GPHN: variants seen among roughly 807,000 people sequenced by gnomAD.
The protein encoded by GPHN is gephyrin.
GPHN carries 17 observed loss-of-function variants against 95.5 expected under a neutral mutation model. That is an observed-to-expected ratio of 0.18 (90% confidence interval 0.12 to 0.27). The LOEUF is 0.27. Among genes scored for constraint, GPHN ranks in the 10% least tolerant of loss-of-function variants. The pLI is 1.00. For synonymous variants in GPHN, 320 were observed against 322.5 expected (o/e 0.99, Z 0.08); for missense variants, 660 against 978.1 (o/e 0.67, Z 4.34).
the GPHN span, among the ~76,000 whole-genome samples, chr14:67,268,670 C>T: frequency 2.6e-5 from 4 of 152,306 alleles, no homozygotes; most frequent in East Asian, 7.7e-4. Flanking sequence ...CATGCTAACG[C>T]ATTATAATTA....
intron 8 of GPHN, among the ~76,000 whole-genome samples, chr14:66,955,705 TC>T (rs1340130316): frequency 2.7e-5 from 4 of 148,160 alleles, no homozygotes; most frequent in African/African-American, 9.7e-5. Flanking sequence ...CCCTCCCCCC[TC>T]CTCCCACCCC....
chr14:67,471,149 C>A, the GPHN span: 1 of 152,204 alleles, frequency 6.6e-6, no homozygotes, highest in African/African-American at 2.4e-5. Context: ...CACAGGCATA[C>A]CCCCAGGACC....
the GPHN span, chr14:67,359,827 T>TA: frequency 9.5e-7 from 1 of 1,050,870 alleles, no homozygotes; most frequent in South Asian, 1.4e-5. Flanking sequence ...CTCTTGTTGC[T>TA]AAGAGGCAGC....
chr14:67,659,486 T>C, the GPHN span, among the ~76,000 whole-genome samples: 1,756 of 152,056 alleles, frequency 0.012, 26 homozygotes, highest in African/African-American at 0.04. Flanking sequence ...TTTTTTATTA[T>C]AAGACTGTAT....
intron 2 of GPHN, among the ~76,000 whole-genome samples, chr14:66,771,470 C>G (rs1595853076): frequency 6.6e-6 from 1 of 152,206 alleles, no homozygotes; most frequent in Non-Finnish European, 1.5e-5. Flanking sequence ...AGTTACCGCA[C>G]TGGCACAAGG....
At chr14:66,879,492 T>A (rs1413657693) in intron 4 of GPHN, among the ~76,000 whole-genome samples, 1 of 152,098 alleles carries the variant, frequency 6.6e-6, no homozygotes, top group Non-Finnish European at 1.5e-5. Flanking sequence ...GAGATCCTTT[T>A]AATTCTATTA....
At chr14:67,042,816 T>C (rs548865074) in intron 10 of GPHN, among the ~76,000 whole-genome samples, 2 of 152,354 alleles carry the variant, frequency 1.3e-5, no homozygotes, top group South Asian at 4.1e-4. Flanking sequence ...TAAATTACTT[T>C]GGGCAGTATG....
chr14:67,578,767 C>G, the GPHN span: 11 of 685,164 alleles, frequency 1.6e-5, no homozygotes, highest in Non-Finnish European at 2.9e-5. The surrounding 1 kb of genome is among the most constrained non-coding windows in gnomAD (Gnocchi z 5.0). Flanking sequence ...GAGACTTCAC[C>G]CATTGCCGTG....
At chr14:67,690,918 G>A in the GPHN span, 6 of 540,962 alleles carry the variant, frequency 1.1e-5, no homozygotes, top group Admixed American at 9.6e-5. Context: ...TAAAAAATGC[G>A]CCAAGGCAAA....
the GPHN span, among the ~76,000 whole-genome samples, chr14:67,531,039 G>C: frequency 6.6e-6 from 1 of 152,084 alleles, no homozygotes; most frequent in Non-Finnish European, 1.5e-5. Context: ...CTTCAACTCA[G>C]GCACATGATG....
At chr14:67,504,711 C>A in the GPHN span, among the ~76,000 whole-genome samples, 1 of 152,102 alleles carries the variant, frequency 6.6e-6, no homozygotes, top group Non-Finnish European at 1.5e-5. Context: ...TTGGTGAAAC[C>A]CTGTCTCTAC....
chr14:67,345,647 T>C, the GPHN span: 18,942 of 618,024 alleles, frequency 0.031, 364 homozygotes, highest in Middle Eastern at 0.052. Flanking sequence ...TTGCTTTACA[T>C]AGGATCATGG....
At chr14:66,776,355 G>A in intron 2 of GPHN, 109 bp from the exon 3 acceptor site, 1 of 780,038 alleles carries the variant, frequency 1.3e-6, no homozygotes, top group Non-Finnish European at 2.4e-6. Flanking sequence ...TGGTTGTTGG[G>A]GTGAATACTG....
chr14:66,808,477 A>G (rs2060636133), intron 3 of GPHN, among the ~76,000 whole-genome samples: 1 of 152,252 alleles, frequency 6.6e-6, no homozygotes, highest in Non-Finnish European at 1.5e-5. Context: ...TAATCATTGT[A>G]AAACATAAAT....
intron 4 of GPHN, among the ~76,000 whole-genome samples, chr14:66,853,504 T>C (rs1353740959): frequency 6.6e-6 from 1 of 152,190 alleles, no homozygotes; most frequent in African/African-American, 2.4e-5. Context: ...CTCACAATGA[T>C]GGCTGAAGAC....
At chr14:67,427,109 T>C in the GPHN span, among the ~76,000 whole-genome samples, 2,127 of 151,656 alleles carry the variant, frequency 0.014, 55 homozygotes, top group African/African-American at 0.048. Context: ...CCAGAGTGTA[T>C]TGTGTCACGC....
chr14:67,031,240 G>C (rs542526318), intron 10 of GPHN, among the ~76,000 whole-genome samples: 2 of 152,052 alleles, frequency 1.3e-5, no homozygotes, highest in Admixed American at 1.3e-4. Context: ...TTACTATTAA[G>C]AAACATGAAT....
intron 9 of GPHN, among the ~76,000 whole-genome samples, chr14:66,983,177 A>G (rs111831260): frequency 0.015 from 2,300 of 152,194 alleles, 33 homozygotes; most frequent in Non-Finnish European, 0.018. Flanking sequence ...GCTTGAACCC[A>G]GGAGGCAGAG....
Position 66,724,022 on chromosome 14 carries a change from A to AC in GPHN, c.143+42837_143+42838insC, listed in dbSNP as rs2071000562. Among the ~76,000 whole-genome samples, 9 of 132,352 alleles carry AC rather than the reference A, an allele frequency of 6.8e-5. No individual in the cohort carries two copies. The East Asian group carries it at 1.6e-3, about 24-fold the overall frequency. 86.8% of individuals were successfully genotyped at this position (132,352 alleles called of 152,430 possible). On this transcript the variant is annotated intron_variant, in intron 2 of 22. Coordinates refer to ENST00000478722, the MANE Select transcript of GPHN (RefSeq NM_020806.5). The stretch of plus-strand genomic sequence containing the variant: ...ACACACACACACACACACACACACA[A>AC]ACAGATTCAAATAAAGATCTTACAG...
Sources: allele counts gnomAD v4.1 joint callset (sites outside exome capture counted in the v4.1 genomes callset), GRCh38; gene constraint gnomAD v4.1.1; non-coding constraint Gnocchi (gnomAD v3.1); transcripts MANE v1.5; gene names NCBI Gene and HGNC (gene_info 2026-07-23, HGNC 2026-07-21).